Variants in TBCEL observed in about 807,000 individuals in gnomAD.
TBCEL encodes the protein tubulin folding cofactor E like.
Under a neutral mutation model 44.2 loss-of-function variants are expected in TBCEL, and 15 were observed. That is an observed-to-expected ratio of 0.34 (90% CI 0.23 to 0.52). The LOEUF is 0.52. Ranked by LOEUF, TBCEL falls within the 20% of genes least tolerant of loss-of-function variation. The pLI is 0.95. For synonymous variants in TBCEL, 171 were observed against 185.4 expected (o/e 0.92, Z 0.63); for missense variants, 319 against 506.3 (o/e 0.63, Z 3.55).
chr11:121,033,135 C>G (rs1483484962), intron 1 of TBCEL, among the ~76,000 whole-genome samples: 1 of 152,068 alleles, frequency 6.6e-6, no homozygotes, highest in Non-Finnish European at 1.5e-5. Context: ...AATAAAAAGA[C>G]TTTTGGGAAT....
intron 8 of TBCEL, among the ~76,000 whole-genome samples, chr11:121,077,681 A>T (rs1247389617): frequency 6.6e-6 from 1 of 151,588 alleles, no homozygotes; most frequent in East Asian, 1.9e-4. Flanking sequence ...TCATCTTTTT[A>T]TAGTTTTTTT....
chr11:121,038,862 C>T (rs538995794), intron 2 of TBCEL, among the ~76,000 whole-genome samples: 29 of 152,248 alleles, frequency 1.9e-4, no homozygotes, highest in African/African-American at 6.0e-4. Flanking sequence ...ACTCTTTTCT[C>T]GGCTTATTTA....
intron 2 of TBCEL, among the ~76,000 whole-genome samples, chr11:121,038,059 A>G (rs542739136): frequency 6.6e-6 from 1 of 152,054 alleles, no homozygotes; most frequent in African/African-American, 2.4e-5. Flanking sequence ...TCCCGGGTTC[A>G]AGCGATTCTC....
At chr11:121,045,257 A>C (rs530127843) in intron 2 of TBCEL, among the ~76,000 whole-genome samples, 2 of 152,280 alleles carry the variant, frequency 1.3e-5, no homozygotes, top group African/African-American at 4.8e-5. Context: ...ATGGAAGAAG[A>C]TAATGGATTT....
At chr11:121,046,244 A>G (rs1945427928) in intron 3 of TBCEL, among the ~76,000 whole-genome samples, 1 of 152,124 alleles carries the variant, frequency 6.6e-6, no homozygotes, top group South Asian at 2.1e-4. Flanking sequence ...AATTTAAAAG[A>G]TAATTAATAT....
chr11:121,030,579 G>A (rs1298929499), intron 1 of TBCEL, among the ~76,000 whole-genome samples: 5 of 152,116 alleles, frequency 3.3e-5, no homozygotes, highest in African/African-American at 7.2e-5. Flanking sequence ...GTATTGATAG[G>A]TCTTGCTGAT....
chr11:121,081,408 C>G (rs1946123461), intron 8 of TBCEL, among the ~76,000 whole-genome samples: 1 of 152,180 alleles, frequency 6.6e-6, no homozygotes, highest in African/African-American at 2.4e-5. Context: ...GTTTATAACA[C>G]TTTGCACACT....
chr11:121,072,285 T>C (rs565744891), intron 8 of TBCEL, among the ~76,000 whole-genome samples: 1 of 152,330 alleles, frequency 6.6e-6, no homozygotes, highest in South Asian at 2.1e-4. Context: ...TTTTCTTTGC[T>C]GTCTGAACTT....
In TBCEL at chr11:121,063,272, G is replaced by GA. The variant is rs909750155; in HGVS notation, c.956+3197dup. Reference sequence around the variant, plus strand: ...CTTTCACTCAAATAGGAACAATTCAGAAAAAAAAAATAGTAAGTGTTACTG... The same window carrying GA: ...CTTTCACTCAAATAGGAACAATTCAGAAAAAAAAAAATAGTAAGTGTTACTG... On this transcript the variant is annotated intron_variant, in intron 8 of 8. Coordinates refer to ENST00000683345, the MANE Select transcript of TBCEL (RefSeq NM_001363644.2). Among the ~76,000 whole-genome samples the GA allele has an allele frequency of 2.8e-4, 42 of 147,946 alleles. 1 individual carries two copies. The South Asian group carries it at 4.7e-3, about 16-fold the overall frequency.
chr11:121,046,904 T>C (rs912630275), intron 3 of TBCEL, among the ~76,000 whole-genome samples: 2 of 152,096 alleles, frequency 1.3e-5, no homozygotes, highest in African/African-American at 2.4e-5. Context: ...TAAAGAAGGC[T>C]AATTTTCATA....
At chr11:121,067,914 CAGT>C (rs1341066529) in intron 8 of TBCEL, among the ~76,000 whole-genome samples, 1 of 152,230 alleles carries the variant, frequency 6.6e-6, no homozygotes, top group Non-Finnish European at 1.5e-5. Context: ...GAGACAAAAA[CAGT>C]AGTGTCTACT....
At chr11:121,038,895 T>C (rs1945281664) in intron 2 of TBCEL, among the ~76,000 whole-genome samples, 1 of 152,200 alleles carries the variant, frequency 6.6e-6, no homozygotes, top group African/African-American at 2.4e-5. Flanking sequence ...TTCTATGGAT[T>C]CTGTTCCCTT....
At chr11:121,085,184 G>A (rs536189545) in intron 8 of TBCEL, among the ~76,000 whole-genome samples, 14 of 151,914 alleles carry the variant, frequency 9.2e-5, no homozygotes, top group East Asian at 7.8e-4. Flanking sequence ...GACTACAGGC[G>A]CGCACCACCA....
At chr11:121,082,962 T>G (rs959225677) in intron 8 of TBCEL, among the ~76,000 whole-genome samples, 1 of 152,198 alleles carries the variant, frequency 6.6e-6, no homozygotes, top group Non-Finnish European at 1.5e-5. Flanking sequence ...TGTGATCTAG[T>G]CATTTGGAAG....
rs538772994 is a variant in TBCEL, at chr11:121,042,947, T to A, written c.-17-2727T>A. ...AAATTTCTTATGTCCATGTGCTTTC[T>A]ATTGTACTACAACTTCCTCTTAGAA... On this transcript the variant is annotated intron_variant, in intron 2 of 8. Transcript: ENST00000683345. Among the ~76,000 whole-genome samples, 4 of 152,266 alleles carry A rather than the reference T, an allele frequency of 2.6e-5. No individual in the cohort carries two copies. The East Asian group carries it at 7.7e-4, about 29-fold the overall frequency.
In TBCEL at chr11:121,090,748, TA is replaced by T. The variant is rs35152140; in HGVS notation, c.*3659del. The T allele has an allele frequency of 6.6e-6, 1 of 151,372 alleles. No homozygotes were observed. Among genetic ancestry groups the T allele is most frequent in the African/African-American group, 2.4e-5 (1 of 41,300 alleles). The allele number at this position is 151,372 out of a possible 1,614,324, so 9.4% of individuals were successfully genotyped here. A position where few individuals can be genotyped will look rare whatever the true frequency, so the allele number is the denominator to read the frequency against. On this transcript the variant is annotated 3_prime_UTR_variant, in exon 9 of 9. Coordinates refer to ENST00000683345, the MANE Select transcript of TBCEL (RefSeq NM_001363644.2). The stretch of plus-strand genomic sequence containing the variant: ...TATTAATATATATATAGATAATCTT[TA>T]AAAAAATTAAAATTCAAGTCCATTT...
At chr11:121,057,684 C>T in intron 6 of TBCEL, 1 of 444,920 alleles carries the variant, frequency 2.2e-6, no homozygotes, top group Non-Finnish European at 4.5e-6. Flanking sequence ...TACAGTATCA[C>T]AATTATTTAC....
intron 8 of TBCEL, among the ~76,000 whole-genome samples, chr11:121,066,403 A>G (rs1945821573): frequency 6.6e-6 from 1 of 152,202 alleles, no homozygotes; most frequent in Non-Finnish European, 1.5e-5. Flanking sequence ...ACTCCTCTTC[A>G]GTTTGTATAG....
At chr11:121,065,038 G>A (rs563585014) in intron 8 of TBCEL, among the ~76,000 whole-genome samples, 3 of 152,186 alleles carry the variant, frequency 2.0e-5, no homozygotes, top group East Asian at 3.9e-4. Flanking sequence ...ATGTTAGCCA[G>A]GATGGTCTTG....
Sources: gnomAD v4.1 joint callset for allele counts (sites outside exome capture counted in the v4.1 genomes callset) on GRCh38, gnomAD v4.1.1 for gene constraint, MANE v1.5 for transcripts, NCBI Gene and HGNC (gene_info 2026-07-23, HGNC 2026-07-21) for gene names.